LRRC37A2: variants seen among roughly 807,000 people sequenced by gnomAD.
LRRC37A2 encodes leucine-rich repeat-containing protein 37A2.
In LRRC37A2, 9 loss-of-function variants were observed where a neutral mutation model predicts 68.8. The observed-to-expected ratio is 0.13, with a 90% confidence interval of 0.08 to 0.23. LRRC37A2 has a LOEUF of 0.23. Among genes scored for constraint, LRRC37A2 ranks in the 10% least tolerant of loss-of-function variants. LRRC37A2 has a pLI of 1.00. For synonymous variants in LRRC37A2, 63 were observed against 367.6 expected (o/e 0.17, Z 9.48); for missense variants, 168 against 950.4 (o/e 0.18, Z 10.82).
At chr17:46,794,520 G>C in the LRRC37A2 span, among the ~76,000 whole-genome samples, 19 of 152,150 alleles carry the variant, frequency 1.2e-4, no homozygotes, top group Admixed American at 2.6e-4. Context: ...AGTCAGCTCT[G>C]AGAAGGGCTC....
At chr17:46,946,974 AACTG>A in the LRRC37A2 span, among the ~76,000 whole-genome samples, 66 of 152,320 alleles carry the variant, frequency 4.3e-4, no homozygotes, top group Admixed American at 2.2e-3. Flanking sequence ...AGGAGGCTGC[AACTG>A]ACTGCTGCCC....
chr17:46,965,339 T>G, the LRRC37A2 span, among the ~76,000 whole-genome samples: 1 of 152,232 alleles, frequency 6.6e-6, no homozygotes, highest in Non-Finnish European at 1.5e-5. Context: ...AAAGCCTGAG[T>G]GTTGCCTGTG....
chr17:46,845,326 C>T, the LRRC37A2 span, among the ~76,000 whole-genome samples: 1 of 152,062 alleles, frequency 6.6e-6, no homozygotes, highest in Non-Finnish European at 1.5e-5. Flanking sequence ...CTCCTAGTCT[C>T]TAGGTCAGCT....
chr17:46,912,918 T>C, the LRRC37A2 span, among the ~76,000 whole-genome samples: 133,534 of 152,230 alleles, frequency 0.88, 60,041 homozygotes, highest in Non-Finnish European at 0.98. Flanking sequence ...TGGTCCTAGT[T>C]CCCTTCTGCC....
chr17:46,518,676 C>G (rs1238737809), intron 3 of LRRC37A2, among the ~76,000 whole-genome samples: 13 of 53,994 alleles, frequency 2.4e-4, no homozygotes, highest in African/African-American at 1.1e-3. Flanking sequence ...AATTTAGTAT[C>G]TTTATATGTT....
the LRRC37A2 span, among the ~76,000 whole-genome samples, chr17:46,802,214 G>A: frequency 6.6e-6 from 1 of 152,168 alleles, no homozygotes; most frequent in Non-Finnish European, 1.5e-5. Flanking sequence ...CTTCAAGATT[G>A]AGGTTGGTTA....
the LRRC37A2 span, among the ~76,000 whole-genome samples, chr17:46,851,372 C>T: frequency 6.6e-6 from 1 of 151,236 alleles, no homozygotes; most frequent in African/African-American, 2.4e-5. The surrounding 1 kb of genome is among the most constrained non-coding windows in gnomAD (Gnocchi z 4.3). Context: ...GGTGAGCGCT[C>T]ACCTGGGGCC....
At chr17:46,738,370 T>C in the LRRC37A2 span, among the ~76,000 whole-genome samples, 6 of 152,350 alleles carry the variant, frequency 3.9e-5, no homozygotes, top group African/African-American at 9.6e-5. Context: ...GGCTTCATTT[T>C]TTCTAAATGA....
At chr17:46,516,512 G>A (rs962952133) in intron 2 of LRRC37A2, among the ~76,000 whole-genome samples, 1 of 144,814 alleles carries the variant, frequency 6.9e-6, no homozygotes, top group Non-Finnish European at 1.5e-5. Flanking sequence ...AAAAATGGGA[G>A]TACAGTCTAG....
the LRRC37A2 span, among the ~76,000 whole-genome samples, chr17:46,880,212 T>G: frequency 6.6e-6 from 1 of 152,198 alleles, no homozygotes; most frequent in Admixed American, 6.5e-5. Flanking sequence ...TCCCCTGGTC[T>G]AGATAAGCCC....
the LRRC37A2 span, among the ~76,000 whole-genome samples, chr17:46,854,443 C>T: frequency 1.3e-5 from 2 of 152,272 alleles, no homozygotes; most frequent in East Asian, 1.9e-4. Flanking sequence ...ATCATAGAAT[C>T]GTAGACTTCA....
the LRRC37A2 span, among the ~76,000 whole-genome samples, chr17:46,744,450 A>G: frequency 6.6e-5 from 10 of 152,176 alleles, 1 homozygote; most frequent in South Asian, 4.1e-4. Context: ...AGGGTTTTCA[A>G]TTGTTCACAG....
At chr17:46,772,850 C>T in the LRRC37A2 span, among the ~76,000 whole-genome samples, 399 of 142,296 alleles carry the variant, frequency 2.8e-3, 24 homozygotes, top group South Asian at 0.09. Context: ...CTCATTCATT[C>T]CCTAGCTTCT....
the LRRC37A2 span, among the ~76,000 whole-genome samples, chr17:46,953,921 G>C: frequency 6.6e-6 from 1 of 152,190 alleles, no homozygotes; most frequent in African/African-American, 2.4e-5. Flanking sequence ...GTTCATTGTA[G>C]ATTCTTGATA....
At chr17:46,545,382 G>A (rs2056137369) in intron 8 of LRRC37A2, among the ~76,000 whole-genome samples, 1 of 134,632 alleles carries the variant, frequency 7.4e-6, no homozygotes, top group Admixed American at 7.2e-5. Flanking sequence ...GCCCAGGGGG[G>A]TTGAGGCTGC....
intron 6 of LRRC37A2, among the ~76,000 whole-genome samples, chr17:46,532,024 A>G (rs1364935286): frequency 2.0e-5 from 3 of 149,688 alleles, no homozygotes; most frequent in Non-Finnish European, 4.4e-5. Flanking sequence ...TATTTTGCAC[A>G]TAGATGTTCA....
At chr17:46,844,305 CTTT>C in the LRRC37A2 span, among the ~76,000 whole-genome samples, 15 of 127,454 alleles carry the variant, frequency 1.2e-4, no homozygotes, top group African/African-American at 4.3e-4. Flanking sequence ...AGTTAGCCAC[CTTT>C]TTTTTTTTTT....
chr17:46,932,217 T>C, the LRRC37A2 span: 5 of 1,613,732 alleles, frequency 3.1e-6, no homozygotes, highest in Non-Finnish European at 4.2e-6. Context: ...AGGCCCGTGG[T>C]GAGGGTCGGC....
At chr17:46,908,077 G>C in the LRRC37A2 span, among the ~76,000 whole-genome samples, 1 of 152,038 alleles carries the variant, frequency 6.6e-6, no homozygotes, top group Non-Finnish European at 1.5e-5. Flanking sequence ...ATTCCAGGAG[G>C]CTAAGGTTTG....
Sources: gnomAD v4.1 joint callset for allele counts (sites outside exome capture counted in the v4.1 genomes callset) on GRCh38, gnomAD v4.1.1 for gene constraint, Gnocchi (gnomAD v3.1) non-coding constraint, MANE v1.5 for transcripts, NCBI Gene and HGNC (gene_info 2026-07-23, HGNC 2026-07-21) for gene names.